The following WDFY4 variants were observed in gnomAD, a reference collection of about 807,000 sequenced individuals.
The protein encoded by WDFY4 is WDFY family member 4, also known as WD repeat- and FYVE domain-containing protein 4.
Under a neutral mutation model 351.9 loss-of-function variants are expected in WDFY4, and 169 were observed. That is an observed-to-expected ratio of 0.48 (90% CI 0.42 to 0.55). The LOEUF (loss-of-function observed/expected upper bound fraction) is 0.55, where lower values mean the gene tolerates loss of function less well. Among genes scored for constraint, WDFY4 ranks in the 20% least tolerant of loss-of-function variants. The pLI is 0.00. For synonymous variants in WDFY4, 1,622 were observed against 1,574.6 expected (o/e 1.03, Z -0.71); for missense variants, 3,803 against 3,935.6 (o/e 0.97, Z 0.90).
At chr10:48,742,767 T>C (rs918280655) in intron 11 of WDFY4, among the ~76,000 whole-genome samples, 1 of 152,184 alleles carries the variant, frequency 6.6e-6, no homozygotes, top group Admixed American at 6.5e-5. Flanking sequence ...TATAGATTAG[T>C]GTAGTAGGCA....
chr10:48,842,411 A>G (rs1336753542), intron 39 of WDFY4, among the ~76,000 whole-genome samples: 1 of 152,138 alleles, frequency 6.6e-6, no homozygotes, highest in African/African-American at 2.4e-5. Context: ...CAGAGACAGC[A>G]GTCGCCAGGT....
At chr10:48,824,808 T>A (rs559267657) in intron 35 of WDFY4, among the ~76,000 whole-genome samples, 4 of 152,096 alleles carry the variant, frequency 2.6e-5, no homozygotes, top group South Asian at 4.2e-4. Context: ...CTGGATAAAT[T>A]TTTTTTTAAC....
intron 53 of WDFY4, among the ~76,000 whole-genome samples, chr10:48,961,134 T>C (rs1179323445): frequency 6.6e-6 from 1 of 152,254 alleles, no homozygotes; most frequent in East Asian, 1.9e-4. Context: ...GCAACAAACC[T>C]ATGCCTTTTC....
intron 22 of WDFY4, among the ~76,000 whole-genome samples, chr10:48,790,344 C>A (rs543703944): frequency 6.6e-6 from 1 of 152,292 alleles, no homozygotes; most frequent in South Asian, 2.1e-4. Flanking sequence ...AATAGCAAGG[C>A]AACAAATTGG....
At chr10:48,706,776 T>C (rs921571193) in intron 1 of WDFY4, among the ~76,000 whole-genome samples, 2 of 152,236 alleles carry the variant, frequency 1.3e-5, no homozygotes, top group Admixed American at 6.5e-5. Context: ...AAAAAAGACT[T>C]AGACATGAGG....
chr10:48,804,626 C>A, intron 25 of WDFY4: 1 of 715,006 alleles, frequency 1.4e-6, no homozygotes, highest in Non-Finnish European at 1.7e-6. Context: ...CCCTCCTCCA[C>A]ATTTTTCTCC....
chr10:48,732,186 G>T (rs1474119412), intron 9 of WDFY4, among the ~76,000 whole-genome samples: 1 of 152,166 alleles, frequency 6.6e-6, no homozygotes, highest in Non-Finnish European at 1.5e-5. Context: ...TCAGGGGTTG[G>T]GCTCTTGCAC....
In WDFY4 at chr10:48,743,350, G is replaced by A. The variant is rs1470473393; in HGVS notation, c.2261G>A (p.Gly754Asp). ...DLLGTAFSSS[G>D]SLPPRIQSCL... ...CTGGGCACTGCCTTTTCCTCCAGCG[G>A]CTCACTCCCACCCCGGATACAGAGC... is the stretch of plus-strand genomic sequence containing the variant. The change falls in exon 12 of 62, where the codon GGC (glycine) becomes GAC (aspartate). Residue 754 changes from glycine to aspartate, a missense_variant. Coordinates refer to ENST00000325239, the MANE Select transcript of WDFY4 (RefSeq NM_001394531.1). The A allele has an allele frequency of 6.4e-7, 1 of 1,551,610 alleles. No homozygotes were observed.
chr10:48,904,093 A>G (rs1244508752), intron 47 of WDFY4, among the ~76,000 whole-genome samples: 1 of 152,234 alleles, frequency 6.6e-6, no homozygotes, highest in Non-Finnish European at 1.5e-5. Context: ...TGAGCTTTGT[A>G]ACATGAGAGT....
intron 53 of WDFY4, among the ~76,000 whole-genome samples, chr10:48,961,364 G>C (rs1177611402): frequency 6.6e-6 from 1 of 152,162 alleles, no homozygotes; most frequent in Non-Finnish European, 1.5e-5. Context: ...CATCTAAGCT[G>C]GATAAAGATG....
intron 11 of WDFY4, among the ~76,000 whole-genome samples, chr10:48,740,010 A>G (rs2064802191): frequency 6.6e-6 from 1 of 152,078 alleles, no homozygotes. Flanking sequence ...CTGTAATCTG[A>G]TCAGTTTTGT....
chr10:48,786,844 G>C lies in WDFY4; in HGVS notation c.3782G>C (p.Gly1261Ala). 6.4e-7 allele frequency: 1 copy of C among 1,552,090 alleles called. No homozygotes were observed. Among genetic ancestry groups the C allele is most frequent in the East Asian group, 2.4e-5 (1 of 40,922 alleles). ...AACAAACTTGGCCCAAGATATTGTG[G>C]TAACTTCCAAGCTGTGCATGTCCAA... ...VINKLGPRYCGNFQAVHVQGE... is the reference protein window; with the variant it reads ...VINKLGPRYCANFQAVHVQGE... The change falls in exon 20 of 62, where the codon GGT (glycine) becomes GCT (alanine). Residue 1261 changes from glycine to alanine, a missense_variant. By Grantham distance (60) the Gly-to-Ala change is moderately conservative. Coordinates refer to ENST00000325239, the MANE Select transcript of WDFY4 (RefSeq NM_001394531.1).
At chr10:48,756,997 G>A (rs564668670) in intron 12 of WDFY4, among the ~76,000 whole-genome samples, 1 of 152,190 alleles carries the variant, frequency 6.6e-6, no homozygotes, top group Non-Finnish European at 1.5e-5. Context: ...AAGAAGCTGT[G>A]TAGAACTGGT....
At chr10:48,807,255 C>A (rs915261126) in intron 27 of WDFY4, among the ~76,000 whole-genome samples, 14 of 152,220 alleles carry the variant, frequency 9.2e-5, no homozygotes, top group Admixed American at 9.2e-4. Flanking sequence ...ATTTAGTCAA[C>A]CTTCCTTCTC....
At chr10:48,733,890 T>A (rs546582804) in intron 9 of WDFY4, 41 bp from the exon 10 acceptor site, 1 of 1,531,286 alleles carries the variant, frequency 6.5e-7, no homozygotes, top group African/African-American at 1.4e-5. Flanking sequence ...TCATACCACA[T>A]GTACTTAATT....
At chr10:48,721,454 A>G in intron 4 of WDFY4, 87 bp downstream of exon 4, 3 of 1,186,336 alleles carry the variant, frequency 2.5e-6, no homozygotes, top group Non-Finnish European at 3.7e-6. Context: ...GCATATCCCA[A>G]GAGGGTCATT....
chr10:48,709,912 G>A lies in WDFY4; in HGVS notation c.180G>A (p.Lys60=). Reference sequence around the variant, plus strand: ...TGGAATACCAGCAGTTGACTCACAAGAGCCCCATTGAGCGTCAGAAGAGCC... The same window carrying A: ...TGGAATACCAGCAGTTGACTCACAAAAGCCCCATTGAGCGTCAGAAGAGCC... ...KFLEYQQLTH[K]SPIERQKSLL... is the part of the protein sequence containing the mutation. The change falls in exon 2 of 62, where the codon AAG becomes AAA. Residue 60 remains lysine (K), a synonymous_variant. Transcript: ENST00000325239. 1 of 1,552,196 alleles carries A rather than the reference G, an allele frequency of 6.4e-7. No individual in the cohort carries two copies.
chr10:48,824,214 G>T (rs940664445), intron 35 of WDFY4: 3 of 984,868 alleles, frequency 3.0e-6, no homozygotes, highest in Non-Finnish European at 3.6e-6. Context: ...TCCAGTGTGT[G>T]TTTGACCCTT....
chr10:48,817,546 G>T, intron 32 of WDFY4, 137 bp downstream of exon 32: 1 of 1,134,598 alleles, frequency 8.8e-7, no homozygotes, highest in Non-Finnish European at 1.2e-6. Context: ...CATTGAATAA[G>T]CAGCTTGGAT....
Sources: gnomAD v4.1 joint callset for allele counts (sites outside exome capture counted in the v4.1 genomes callset) on GRCh38, gnomAD v4.1.1 for gene constraint, MANE v1.5 for transcripts, NCBI Gene and HGNC (gene_info 2026-07-23, HGNC 2026-07-21) for gene names.